The following ATF7IP variants were observed in gnomAD, a reference collection of about 807,000 sequenced individuals.
ATF7IP encodes activating transcription factor 7-interacting protein 1.
Under a neutral mutation model 106.4 loss-of-function variants are expected in ATF7IP, and 23 were observed. The ratio of observed to expected loss-of-function variants is 0.22; its 90% confidence interval spans 0.16 to 0.31. ATF7IP has a LOEUF of 0.31. ATF7IP is among the 10% of genes least tolerant of loss of function. The probability of loss-of-function intolerance (pLI) is 1.00; values close to 1 mark genes in which losing one functional copy is unlikely to be tolerated. For missense variants in ATF7IP, 1,334 were observed against 1,524.3 expected (o/e 0.88, Z 2.08); for synonymous variants, 542 against 539.0 (o/e 1.01, Z -0.08).
intron 1 of ATF7IP, among the ~76,000 whole-genome samples, chr12:14,390,682 A>C (rs1457302644): frequency 6.6e-6 from 1 of 152,266 alleles, no homozygotes; most frequent in Admixed American, 6.5e-5. Flanking sequence ...TCCTAATAGA[A>C]TGTTTTCTTA....
intron 12 of ATF7IP, among the ~76,000 whole-genome samples, chr12:14,479,587 T>A (rs1442875303): frequency 6.6e-6 from 1 of 152,172 alleles, no homozygotes; most frequent in African/African-American, 2.4e-5. Context: ...CATAGTGATT[T>A]AGCAAACTAT....
At chr12:14,394,043 A>G (rs933354633) in intron 1 of ATF7IP, among the ~76,000 whole-genome samples, 3 of 152,188 alleles carry the variant, frequency 2.0e-5, no homozygotes, top group Non-Finnish European at 4.4e-5. Context: ...TGCTTTGGTA[A>G]TATTAACTAG....
At position 14,480,506 on chromosome 12, in the gene ATF7IP, A is replaced by G. The variant is rs531225741; in HGVS notation, c.3098-497A>G. Among the ~76,000 whole-genome samples, 153 of 152,316 alleles carry G rather than the reference A, an allele frequency of 1.0e-3. 1 individual carries two copies. The highest frequency in any genetic ancestry group is 3.7e-3 in the South Asian group (18 of 4,828). On this transcript the variant is annotated intron_variant, in intron 12 of 14. Coordinates refer to ENST00000261168, the MANE Select transcript of ATF7IP (RefSeq NM_018179.5). Reference sequence around the variant, plus strand: ...AACAAAATGTGAATTATAATGGTCAAAGAGATAGGTTGGCTCACTTGAAAA... The same window carrying G: ...AACAAAATGTGAATTATAATGGTCAGAGAGATAGGTTGGCTCACTTGAAAA...
intron 5 of ATF7IP, among the ~76,000 whole-genome samples, chr12:14,439,545 T>C (rs1297293521): frequency 6.6e-6 from 1 of 152,134 alleles, no homozygotes; most frequent in Non-Finnish European, 1.5e-5. Flanking sequence ...AAACCTAAGT[T>C]TTTGGCTGGG....
At chr12:14,409,906 T>C (rs573477456) in intron 1 of ATF7IP, among the ~76,000 whole-genome samples, 1 of 152,274 alleles carries the variant, frequency 6.6e-6, no homozygotes, top group African/African-American at 2.4e-5. Flanking sequence ...TGCTATTTTT[T>C]TTAAAATATC....
Position 14,438,213 on chromosome 12 carries a change from A to G in ATF7IP, c.1875A>G (p.Arg625=). ...AGACTTTGGCAGAATTGAAAACACG[A>G]GTGGAAAAGATTGAATGTAACAAGA... ...FDKTLAELKT[R]VEKIECNKRH... The change falls in exon 5 of 15, where the codon CGA becomes CGG. Residue 625 remains arginine, a synonymous_variant. Coordinates refer to ENST00000261168, the MANE Select transcript of ATF7IP (RefSeq NM_018179.5). 1 of 1,613,232 alleles carries G rather than the reference A, an allele frequency of 6.2e-7. No individual in the cohort carries two copies. The highest frequency in any genetic ancestry group is 8.5e-7 in the Non-Finnish European group (1 of 1,179,932).
At chr12:14,484,477 CA>C (rs1211507376) in intron 13 of ATF7IP, among the ~76,000 whole-genome samples, 2 of 152,338 alleles carry the variant, frequency 1.3e-5, no homozygotes, top group Admixed American at 6.5e-5. Flanking sequence ...TCTACCCTTC[CA>C]AGCAAAGTGC....
intron 5 of ATF7IP, among the ~76,000 whole-genome samples, chr12:14,443,139 A>G (rs1565516284): frequency 6.6e-6 from 1 of 152,014 alleles, no homozygotes; most frequent in Non-Finnish European, 1.5e-5. Flanking sequence ...TGGGCAACAG[A>G]GCAAGACTCT....
chr12:14,402,781 A>G (rs894491689), intron 1 of ATF7IP, among the ~76,000 whole-genome samples: 5 of 151,992 alleles, frequency 3.3e-5, no homozygotes, highest in African/African-American at 1.2e-4. Context: ...TATTTTTAGT[A>G]GAGACGGAGT....
chr12:14,427,946 T>C (rs544102489), intron 2 of ATF7IP, among the ~76,000 whole-genome samples: 7 of 152,224 alleles, frequency 4.6e-5, no homozygotes, highest in African/African-American at 1.7e-4. Flanking sequence ...ATGGAGGACC[T>C]TGGTTATAAT....
chr12:14,493,150 C>A (rs542040068), intron 13 of ATF7IP, among the ~76,000 whole-genome samples: 61 of 152,216 alleles, frequency 4.0e-4, no homozygotes, highest in South Asian at 1.9e-3. Flanking sequence ...TGAGCTGCAA[C>A]ATTAAATGCA....
intron 2 of ATF7IP, among the ~76,000 whole-genome samples, chr12:14,425,690 G>A (rs544269738): frequency 6.6e-6 from 1 of 152,222 alleles, no homozygotes; most frequent in South Asian, 2.1e-4. Context: ...GATAAAATAA[G>A]TAGAAAATAT....
At chr12:14,403,570 G>T (rs1292331213) in intron 1 of ATF7IP, among the ~76,000 whole-genome samples, 2 of 152,116 alleles carry the variant, frequency 1.3e-5, no homozygotes, top group African/African-American at 4.8e-5. Context: ...CTGTTTACCA[G>T]TCAAATGGCT....
Position 14,461,042 on chromosome 12 carries a change from T to G in ATF7IP, c.2706T>G (p.Thr902=). 1.9e-6 allele frequency: 3 copies of G among 1,614,116 alleles called. No individual in the cohort carries two copies. The South Asian group carries it at 3.3e-5, about 18-fold the overall frequency. Residue 902 remains threonine (T), a synonymous_variant, in exon 9 of 15, where the codon ACT becomes ACG. Transcript: ENST00000261168. Reference sequence around the variant, plus strand: ...CATCAGGACTCTATAGTCCATCAACTAATCGAGGTCCTATACAGATGAAAA... The same window carrying G: ...CATCAGGACTCTATAGTCCATCAACGAATCGAGGTCCTATACAGATGAAAA... The part of the protein sequence containing the change: ...VGPSGLYSPS[T]NRGPIQMKIP...
At chr12:14,443,707 G>A (rs946846975) in intron 5 of ATF7IP, among the ~76,000 whole-genome samples, 13 of 152,160 alleles carry the variant, frequency 8.5e-5, no homozygotes, top group African/African-American at 7.2e-5. Flanking sequence ...TAGAGCTTTG[G>A]TGTCAGTCTT....
chr12:14,443,074 G>C (rs1022291542), intron 5 of ATF7IP, among the ~76,000 whole-genome samples: 1 of 152,182 alleles, frequency 6.6e-6, no homozygotes, highest in East Asian at 1.9e-4. Flanking sequence ...AGAATCGCTT[G>C]AACCCAGGAG....
chr12:14,494,535 CTTAA>C (rs1002121617), intron 13 of ATF7IP, among the ~76,000 whole-genome samples: 13 of 145,312 alleles, frequency 8.9e-5, no homozygotes, highest in Non-Finnish European at 1.5e-4. Flanking sequence ...TACAGTATAT[CTTAA>C]TTATATATAA....
intron 8 of ATF7IP, among the ~76,000 whole-genome samples, chr12:14,459,143 C>T (rs1394133294): frequency 6.6e-6 from 1 of 152,044 alleles, no homozygotes; most frequent in Non-Finnish European, 1.5e-5. Context: ...AAGTGACTGG[C>T]TTACCTAGTT....
At chr12:14,456,199 T>A (rs2136702004) in intron 6 of ATF7IP, among the ~76,000 whole-genome samples, 2 of 152,344 alleles carry the variant, frequency 1.3e-5, no homozygotes, top group East Asian at 3.9e-4. Flanking sequence ...AGCTATTTGT[T>A]AAATGAGTGA....
Sources: gnomAD v4.1 joint callset for allele counts (sites outside exome capture counted in the v4.1 genomes callset) on GRCh38, gnomAD v4.1.1 for gene constraint, MANE v1.5 for transcripts, NCBI Gene and HGNC (gene_info 2026-07-23, HGNC 2026-07-21) for gene names.